KIAA1549: variants seen among roughly 807,000 people sequenced by gnomAD.
KIAA1549 encodes the protein UPF0606 protein KIAA1549.
In KIAA1549, 70 loss-of-function variants were observed where a neutral mutation model predicts 156.4. The ratio of observed to expected loss-of-function variants is 0.45; its 90% CI spans 0.37 to 0.55. The LOEUF (loss-of-function observed/expected upper bound fraction) is 0.55, where lower values mean the gene tolerates loss of function less well. KIAA1549 is among the 20% of genes least tolerant of loss of function. The pLI is 0.00. For missense variants in KIAA1549, 2,428 were observed against 2,540.9 expected, an observed-to-expected ratio of 0.96 and a Z score of 0.96; for synonymous variants, 1,103 against 1,066.4, an observed-to-expected ratio of 1.03 and a Z score of -0.67.
chr7:138,897,472 T>A (rs1811714110), intron 9 of KIAA1549, among the ~76,000 whole-genome samples: 1 of 152,232 alleles, frequency 6.6e-6, no homozygotes, highest in South Asian at 2.1e-4. Flanking sequence ...CTCCTACATG[T>A]TCTCCATAAA....
intron 14 of KIAA1549, 110 bp from the exon 15 acceptor site, chr7:138,868,238 CA>C: frequency 9.5e-7 from 1 of 1,053,954 alleles, no homozygotes; most frequent in Non-Finnish European, 1.4e-6. Flanking sequence ...CCCCTGGAAA[CA>C]CCCCATAGGA....
At chr7:138,910,477 A>C (rs1444423577) in intron 4 of KIAA1549, among the ~76,000 whole-genome samples, 1 of 147,744 alleles carries the variant, frequency 6.8e-6, no homozygotes, top group South Asian at 2.1e-4. Flanking sequence ...GTCTCACTGC[A>C]GTCTCCACCT....
intron 11 of KIAA1549, 106 bp from the exon 12 acceptor site, chr7:138,879,759 G>C: frequency 1.4e-6 from 1 of 694,994 alleles, no homozygotes; most frequent in Non-Finnish European, 2.4e-6. Flanking sequence ...AAAACCAGCA[G>C]AAATGAAACG....
At chr7:138,865,125 G>C (rs1448518170) in intron 15 of KIAA1549, among the ~76,000 whole-genome samples, 1 of 152,152 alleles carries the variant, frequency 6.6e-6, no homozygotes, top group African/African-American at 2.4e-5. Context: ...CTACTTGGGA[G>C]GCTTAGGTGG....
intron 10 of KIAA1549, among the ~76,000 whole-genome samples, chr7:138,886,738 G>A (rs568371815): frequency 6.6e-5 from 10 of 152,238 alleles, no homozygotes; most frequent in African/African-American, 2.4e-4. Flanking sequence ...TGATTAAAGA[G>A]CTCCTGTTAC....
At chr7:138,879,082 T>C (rs942352306) in intron 12 of KIAA1549, among the ~76,000 whole-genome samples, 2 of 152,216 alleles carry the variant, frequency 1.3e-5, no homozygotes, top group African/African-American at 4.8e-5. Context: ...CTAAACCATC[T>C]GATCACACTA....
At chr7:138,874,630 G>A (rs1811028705) in intron 12 of KIAA1549, among the ~76,000 whole-genome samples, 2 of 152,202 alleles carry the variant, frequency 1.3e-5, no homozygotes, top group African/African-American at 2.4e-5. Flanking sequence ...TGATCTAGAA[G>A]TGGAGAGTAG....
At chr7:138,974,071 T>A (rs955484880) in intron 1 of KIAA1549, among the ~76,000 whole-genome samples, 3 of 152,224 alleles carry the variant, frequency 2.0e-5, no homozygotes, top group African/African-American at 7.2e-5. Context: ...GCTATTCTAA[T>A]TTTACAGGTA....
At chr7:138,922,911 G>A (rs1028551243) in intron 1 of KIAA1549, among the ~76,000 whole-genome samples, 6 of 151,484 alleles carry the variant, frequency 4.0e-5, no homozygotes, top group Non-Finnish European at 8.8e-5. Flanking sequence ...TATGAGAAAC[G>A]AACCATGCAA....
chr7:138,955,861 C>G (rs1813647302), intron 1 of KIAA1549, among the ~76,000 whole-genome samples: 1 of 152,112 alleles, frequency 6.6e-6, no homozygotes, highest in Non-Finnish European at 1.5e-5. Context: ...AGGGAATCAA[C>G]ATGCAGGGAA....
intron 19 of KIAA1549, among the ~76,000 whole-genome samples, chr7:138,839,778 CTT>C (rs763327649): frequency 4.7e-4 from 29 of 61,344 alleles, no homozygotes; most frequent in African/African-American, 9.7e-4. Flanking sequence ...GGGATTATGT[CTT>C]TTTTTTTTTT....
In KIAA1549 at chr7:138,832,191, CTTT is replaced by C. The variant is rs749938588; in HGVS notation, c.*5712_*5714del. ...TCACCTCTGTCCCTTTTACCTATTC[CTTT>C]TTTTTTTTTTTTTTTTTCCAGAGAC... On this transcript the variant is annotated 3_prime_UTR_variant, in exon 20 of 20. Transcript: ENST00000422774. 828 of 142,940 alleles carry C rather than the reference CTTT, an allele frequency of 5.8e-3. No individual in the cohort carries two copies. The highest frequency in any genetic ancestry group is 0.021 in the East Asian group (198 of 9,242). The allele number at this position is 142,940 out of a possible 1,614,324, so 8.9% of individuals were successfully genotyped here. A position where few individuals can be genotyped will look rare whatever the true frequency, so the allele number is the denominator to read the frequency against.
At chr7:138,948,851 T>C (rs1345189293) in intron 1 of KIAA1549, among the ~76,000 whole-genome samples, 1 of 151,892 alleles carries the variant, frequency 6.6e-6, no homozygotes, top group Non-Finnish European at 1.5e-5. Context: ...TGCCACCATG[T>C]GCCACCATGC....
At chr7:138,892,662 TAATA>T (rs1182303915) in intron 10 of KIAA1549, among the ~76,000 whole-genome samples, 13 of 152,374 alleles carry the variant, frequency 8.5e-5, no homozygotes, top group Admixed American at 7.8e-4. Context: ...GCTTGCAATT[TAATA>T]AATACTTTGC....
At chr7:138,942,165 C>A (rs181335825) in intron 1 of KIAA1549, among the ~76,000 whole-genome samples, 2 of 152,096 alleles carry the variant, frequency 1.3e-5, no homozygotes, top group Non-Finnish European at 2.9e-5. Flanking sequence ...CGGATCTATC[C>A]GCTGCCAAAA....
At chr7:138,948,525 A>T (rs544257219) in intron 1 of KIAA1549, among the ~76,000 whole-genome samples, 29 of 152,292 alleles carry the variant, frequency 1.9e-4, no homozygotes, top group South Asian at 1.5e-3. Context: ...CTGTCATTTA[A>T]GCCACCCAGT....
intron 1 of KIAA1549, among the ~76,000 whole-genome samples, chr7:138,953,964 G>C (rs1445891378): frequency 2.0e-5 from 3 of 152,126 alleles, no homozygotes; most frequent in Non-Finnish European, 2.9e-5. Context: ...AAAATAAATG[G>C]TGCATCACAC....
chr7:138,879,679 C>A, intron 11 of KIAA1549, 26 bp from the exon 12 acceptor site: 1 of 1,339,368 alleles, frequency 7.5e-7, no homozygotes, highest in Non-Finnish European at 1.0e-6. Flanking sequence ...GAATTGCAAA[C>A]ATTAGAAACA....
At chr7:138,972,983 G>A (rs1814264603) in intron 1 of KIAA1549, among the ~76,000 whole-genome samples, 2 of 152,048 alleles carry the variant, frequency 1.3e-5, no homozygotes, top group Admixed American at 1.3e-4. Flanking sequence ...CACCACACCT[G>A]GCTAATTTTT....
Sources: allele counts gnomAD v4.1 joint callset (sites outside exome capture counted in the v4.1 genomes callset), GRCh38; gene constraint gnomAD v4.1.1; transcripts MANE v1.5; gene names NCBI Gene and HGNC (gene_info 2026-07-23, HGNC 2026-07-21).